ZRANB3: variants seen among roughly 807,000 people sequenced by gnomAD.
ZRANB3 encodes DNA annealing helicase and endonuclease ZRANB3.
In ZRANB3, 125 loss-of-function variants were observed where a neutral mutation model predicts 133.8. That is an observed-to-expected ratio of 0.93 (90% CI 0.81 to 1.08). The LOEUF is 1.08. ZRANB3 is among the 50% of genes least tolerant of loss of function. ZRANB3 has a pLI of 0.00. For synonymous variants in ZRANB3, 387 were observed against 432.7 expected, an observed-to-expected ratio of 0.89 and a Z score of 1.31; for missense variants, 1,229 against 1,275.5, an observed-to-expected ratio of 0.96 and a Z score of 0.56.
At chr2:135,331,154 A>C (rs1381945745) in intron 6 of ZRANB3, among the ~76,000 whole-genome samples, 2 of 152,158 alleles carry the variant, frequency 1.3e-5, no homozygotes, top group South Asian at 2.1e-4. Flanking sequence ...CTGTGATATT[A>C]GGGTGTCGAT....
At chr2:135,218,579 G>T (rs756493588) in intron 16 of ZRANB3, among the ~76,000 whole-genome samples, 2 of 151,774 alleles carry the variant, frequency 1.3e-5, no homozygotes, top group Non-Finnish European at 2.9e-5. Context: ...TAGTCCCTGC[G>T]CATGATGACC....
At chr2:135,524,427 A>G (rs1222090077) in intron 1 of ZRANB3, among the ~76,000 whole-genome samples, 2 of 152,164 alleles carry the variant, frequency 1.3e-5, no homozygotes, top group Non-Finnish European at 2.9e-5. Flanking sequence ...GCATAGAATG[A>G]CCCATTGATT....
At chr2:135,375,042 A>G (rs1686357788) in intron 3 of ZRANB3, among the ~76,000 whole-genome samples, 1 of 152,180 alleles carries the variant, frequency 6.6e-6, no homozygotes. Context: ...AAAAATGATA[A>G]TACCAACGGC....
intron 2 of ZRANB3, among the ~76,000 whole-genome samples, chr2:135,471,285 CAT>C (rs1299529443): frequency 1.3e-5 from 2 of 152,170 alleles, no homozygotes; most frequent in Admixed American, 6.5e-5. Context: ...TTCACCTACT[CAT>C]ATGAGTCAGT....
At chr2:135,414,850 G>A (rs1688481432) in intron 2 of ZRANB3, among the ~76,000 whole-genome samples, 1 of 152,128 alleles carries the variant, frequency 6.6e-6, no homozygotes, top group South Asian at 2.1e-4. Context: ...GCTCCTGAAT[G>A]ACTACTGGGT....
intron 2 of ZRANB3, among the ~76,000 whole-genome samples, chr2:135,500,359 C>G (rs1428154248): frequency 6.6e-6 from 1 of 151,974 alleles, no homozygotes; most frequent in African/African-American, 2.4e-5. Flanking sequence ...CTATGAGCCC[C>G]AAACTAGAAA....
intron 6 of ZRANB3, among the ~76,000 whole-genome samples, chr2:135,319,148 G>C (rs1294874929): frequency 2.0e-5 from 3 of 152,170 alleles, no homozygotes; most frequent in African/African-American, 7.2e-5. Flanking sequence ...CCTTTTTAGA[G>C]TTAGACACTT....
At position 135,385,406 on chromosome 2, in the gene ZRANB3, C is replaced by T. The variant is rs186406964; in HGVS notation, c.180+5396G>A. ...AGGAAGAATCAATATTGTGAAAATG[C>T]CCATACTGCCCAAGGTAATTTATAG... On this transcript the variant is annotated intron_variant, in intron 3 of 20. Coordinates refer to ENST00000264159, the MANE Select transcript of ZRANB3 (RefSeq NM_032143.4). 3.8e-4 allele frequency among the ~76,000 whole-genome samples: 58 copies of T among 152,058 alleles called. 1 individual carries two copies. The highest frequency in any genetic ancestry group is 1.4e-3 in the African/African-American group (57 of 41,400).
At chr2:135,520,916 G>T (rs1574248666) in intron 1 of ZRANB3, among the ~76,000 whole-genome samples, 1 of 152,016 alleles carries the variant, frequency 6.6e-6, no homozygotes, top group East Asian at 1.9e-4. Context: ...TTAAAAGCAA[G>T]AATATTACAA....
At chr2:135,241,939 G>A (rs1289998530) in intron 12 of ZRANB3, among the ~76,000 whole-genome samples, 1 of 152,092 alleles carries the variant, frequency 6.6e-6, no homozygotes, top group Non-Finnish European at 1.5e-5. Flanking sequence ...CAGAACTTTG[G>A]GAAGGTGAGG....
At chr2:135,378,417 C>T (rs1169202736) in intron 3 of ZRANB3, among the ~76,000 whole-genome samples, 4 of 151,518 alleles carry the variant, frequency 2.6e-5, no homozygotes, top group Non-Finnish European at 5.9e-5. Flanking sequence ...TGCTTGAACC[C>T]GGGAGACAGA....
chr2:135,359,271 A>G (rs1272287143), intron 3 of ZRANB3, among the ~76,000 whole-genome samples: 1 of 152,176 alleles, frequency 6.6e-6, no homozygotes, highest in Non-Finnish European at 1.5e-5. Context: ...GATTTGATCA[A>G]CTTGCTGTCA....
At chr2:135,326,717 C>T (rs1228639352) in intron 6 of ZRANB3, among the ~76,000 whole-genome samples, 3 of 151,628 alleles carry the variant, frequency 2.0e-5, no homozygotes, top group Non-Finnish European at 2.9e-5. Context: ...CTGGCCAACA[C>T]GGTGAAACCC....
intron 2 of ZRANB3, among the ~76,000 whole-genome samples, chr2:135,400,287 C>T (rs1051614387): frequency 1.9e-4 from 29 of 151,894 alleles, no homozygotes; most frequent in Admixed American, 1.9e-3. Context: ...AAATAACACC[C>T]TATTGGCATG....
chr2:135,318,579 T>A (rs1683370585), intron 6 of ZRANB3, among the ~76,000 whole-genome samples: 1 of 151,796 alleles, frequency 6.6e-6, no homozygotes, highest in African/African-American at 2.4e-5. Context: ...TGTATATATG[T>A]ATGTCTGTAT....
intron 6 of ZRANB3, among the ~76,000 whole-genome samples, chr2:135,317,079 T>A (rs1482645694): frequency 6.6e-6 from 1 of 151,584 alleles, no homozygotes; most frequent in Non-Finnish European, 1.5e-5. Flanking sequence ...CACATACCAT[T>A]TAGTTGTCAT....
Position 135,232,187 on chromosome 2 carries a change from C to T in ZRANB3, c.1540-1260G>A, listed in dbSNP as rs184917764. On this transcript the variant is annotated intron_variant, in intron 12 of 20. Transcript: ENST00000264159. ...AGGGTCCTACACCCATGGAGCCTTG[C>T]TCATTGCTAGCACAGCAGTCTGAAA... 4.6e-5 allele frequency among the ~76,000 whole-genome samples: 7 copies of T among 152,336 alleles called. No individual in the cohort carries two copies. The East Asian group carries it at 1.4e-3, about 29-fold the overall frequency.
At chr2:135,511,804 G>C (rs190455810) in intron 1 of ZRANB3, 1 of 760,988 alleles carries the variant, frequency 1.3e-6, no homozygotes, top group African/African-American at 1.7e-5. Context: ...CTTTCTATTT[G>C]AATCCAATCC....
chr2:135,472,642 C>T (rs1691322073), intron 2 of ZRANB3, among the ~76,000 whole-genome samples: 1 of 152,082 alleles, frequency 6.6e-6, no homozygotes, highest in South Asian at 2.1e-4. Context: ...ATGCCATTGT[C>T]CATATTTCAT....
Sources: allele counts gnomAD v4.1 joint callset (sites outside exome capture counted in the v4.1 genomes callset), GRCh38; gene constraint gnomAD v4.1.1; transcripts MANE v1.5; gene names NCBI Gene and HGNC (gene_info 2026-07-23, HGNC 2026-07-21).